LOC128462377: variants seen among roughly 807,000 people sequenced by gnomAD.
chr16:89,353,660 A>C, the LOC128462377 span, among the ~76,000 whole-genome samples: 3 of 152,084 alleles, frequency 2.0e-5, no homozygotes, highest in African/African-American at 7.2e-5. Context: ...TTGTATTTTT[A>C]GTAGAGACAG....
At chr16:89,350,367 A>G in the LOC128462377 span, among the ~76,000 whole-genome samples, 1 of 152,212 alleles carries the variant, frequency 6.6e-6, no homozygotes, top group Non-Finnish European at 1.5e-5. Context: ...TTTGCATGCA[A>G]CTACTCATAT....
the LOC128462377 span, among the ~76,000 whole-genome samples, chr16:89,329,381 T>A: frequency 1.3e-5 from 2 of 151,708 alleles, no homozygotes; most frequent in Admixed American, 6.6e-5. Flanking sequence ...GAGTCTATAA[T>A]GATTTCACAG....
the LOC128462377 span, among the ~76,000 whole-genome samples, chr16:89,356,303 C>T: frequency 6.6e-6 from 1 of 151,472 alleles, no homozygotes; most frequent in Non-Finnish European, 1.5e-5. Flanking sequence ...TGGAGAATTC[C>T]AGAGACACGC....
chr16:89,371,897 C>A, the LOC128462377 span, among the ~76,000 whole-genome samples: 5 of 152,202 alleles, frequency 3.3e-5, no homozygotes, highest in African/African-American at 4.8e-5. Context: ...ACTCCACTGG[C>A]ATCAAGAGGA....
the LOC128462377 span, among the ~76,000 whole-genome samples, chr16:89,396,724 T>C: frequency 0.067 from 10,198 of 152,248 alleles, 514 homozygotes; most frequent in East Asian, 0.2. Flanking sequence ...TTTTACTCTG[T>C]CGCCCAGGCT....
the LOC128462377 span, among the ~76,000 whole-genome samples, chr16:89,346,457 G>A: frequency 4.6e-5 from 7 of 152,106 alleles, no homozygotes; most frequent in Admixed American, 1.3e-4. Flanking sequence ...CAATAATCAC[G>A]CAATCCATTT....
the LOC128462377 span, among the ~76,000 whole-genome samples, chr16:89,385,180 G>T: frequency 4.0e-5 from 6 of 150,800 alleles, no homozygotes; most frequent in Admixed American, 4.0e-4. Flanking sequence ...CCGGCCTTGA[G>T]AAATGGTGTT....
At chr16:89,369,440 C>T in the LOC128462377 span, among the ~76,000 whole-genome samples, 9 of 152,188 alleles carry the variant, frequency 5.9e-5, no homozygotes, top group Admixed American at 5.2e-4. Context: ...TGCGCCTCCA[C>T]GGCACCAAGC....
the LOC128462377 span, among the ~76,000 whole-genome samples, chr16:89,348,483 T>C: frequency 1.3e-5 from 2 of 152,228 alleles, no homozygotes; most frequent in East Asian, 1.9e-4. Flanking sequence ...ACTGGATGTG[T>C]ACCCTCCTCT....
the LOC128462377 span, among the ~76,000 whole-genome samples, chr16:89,388,898 A>G: frequency 0.59 from 90,355 of 152,072 alleles, 27,207 homozygotes; most frequent in Middle Eastern, 0.72. Context: ...GCTGAAAGGG[A>G]CAAAAAGGTT....
the LOC128462377 span, among the ~76,000 whole-genome samples, chr16:89,380,714 C>A: frequency 6.6e-6 from 1 of 152,226 alleles, no homozygotes; most frequent in East Asian, 1.9e-4. Context: ...GCCTGCTTTC[C>A]AGGGAAGAGA....
the LOC128462377 span, among the ~76,000 whole-genome samples, chr16:89,322,525 A>G: frequency 6.6e-6 from 1 of 152,228 alleles, no homozygotes; most frequent in Non-Finnish European, 1.5e-5. Flanking sequence ...GGAAGACAGG[A>G]AGTCAGCAGC....
the LOC128462377 span, among the ~76,000 whole-genome samples, chr16:89,330,025 T>TAAAAG: frequency 2.0e-5 from 3 of 150,134 alleles, no homozygotes; most frequent in African/African-American, 7.5e-5. Flanking sequence ...TAAAATAAAA[T>TAAAAG]AAAATGTAAA....
chr16:89,332,515 C>T, the LOC128462377 span, among the ~76,000 whole-genome samples: 9 of 152,370 alleles, frequency 5.9e-5, no homozygotes, highest in East Asian at 1.5e-3. Flanking sequence ...ACAGCCTCGT[C>T]TGCTCACTGA....
the LOC128462377 span, among the ~76,000 whole-genome samples, chr16:89,323,548 G>C: frequency 2.1e-5 from 1 of 47,482 alleles, no homozygotes; most frequent in African/African-American, 7.4e-5. Flanking sequence ...TGAGCCGAGG[G>C]CAGGGGGTCT....
At chr16:89,330,663 G>C in the LOC128462377 span, among the ~76,000 whole-genome samples, 3 of 41,450 alleles carry the variant, frequency 7.2e-5, no homozygotes, top group South Asian at 1.6e-3. Context: ...TGACTGGGGG[G>C]GGGGGGGGGG....
the LOC128462377 span, among the ~76,000 whole-genome samples, chr16:89,333,463 G>T: frequency 6.6e-6 from 1 of 152,138 alleles, no homozygotes; most frequent in East Asian, 1.9e-4. Flanking sequence ...CCACCGTTGT[G>T]GTATCATACA....
At chr16:89,341,061 T>C in the LOC128462377 span, among the ~76,000 whole-genome samples, 9 of 152,174 alleles carry the variant, frequency 5.9e-5, no homozygotes, top group Admixed American at 2.0e-4. Context: ...CTTTAACATA[T>C]GCCCAGGAAA....
chr16:89,351,970 G>C, the LOC128462377 span, among the ~76,000 whole-genome samples: 2 of 152,188 alleles, frequency 1.3e-5, no homozygotes. Flanking sequence ...GAGTGCAGTG[G>C]TGCGATCGTG....
Sources: gnomAD v4.1 joint callset for allele counts (sites outside exome capture counted in the v4.1 genomes callset) on GRCh38, gnomAD v4.1.1 for gene constraint, MANE v1.5 for transcripts.